KCNH5: variants seen among roughly 807,000 people sequenced by gnomAD.
KCNH5 encodes potassium voltage-gated channel subfamily H member 5.
In KCNH5, 46 loss-of-function variants were observed where a neutral mutation model predicts 96.1. The ratio of observed to expected loss-of-function variants is 0.48; its 90% confidence interval spans 0.38 to 0.61. KCNH5 has a LOEUF of 0.61. Ranked by LOEUF, KCNH5 falls within the 20% of genes least tolerant of loss-of-function variation. The pLI is 0.00. For synonymous variants in KCNH5, 439 were observed against 449.8 expected (o/e 0.98, Z 0.30); for missense variants, 907 against 1,225.8 (o/e 0.74, Z 3.88).
At chr14:62,963,160 C>T (rs1255659544) in intron 6 of KCNH5, among the ~76,000 whole-genome samples, 2 of 152,096 alleles carry the variant, frequency 1.3e-5, no homozygotes, top group Non-Finnish European at 2.9e-5. Context: ...AACACATTCA[C>T]ATAACTTTTA....
intron 9 of KCNH5, among the ~76,000 whole-genome samples, chr14:62,783,351 C>A (rs1886258026): frequency 6.6e-6 from 1 of 152,162 alleles, no homozygotes; most frequent in South Asian, 2.1e-4. Flanking sequence ...TATATTACCA[C>A]AGTTCTTGAT....
chr14:62,789,305 T>C (rs778398279), intron 9 of KCNH5, among the ~76,000 whole-genome samples: 3 of 151,988 alleles, frequency 2.0e-5, no homozygotes, highest in Non-Finnish European at 2.9e-5. Context: ...ATATACATAC[T>C]ACATTTTCTT....
At chr14:62,735,163 T>C (rs1404559574) in intron 10 of KCNH5, among the ~76,000 whole-genome samples, 2 of 152,160 alleles carry the variant, frequency 1.3e-5, no homozygotes, top group Admixed American at 1.3e-4. Flanking sequence ...CTTAATGATA[T>C]TCAGTTTGAA....
intron 7 of KCNH5, among the ~76,000 whole-genome samples, chr14:62,940,067 T>C (rs1889759650): frequency 6.6e-6 from 1 of 152,216 alleles, no homozygotes; most frequent in South Asian, 2.1e-4. Flanking sequence ...TAAATTCTTA[T>C]AAATTATGAT....
chr14:62,977,429 AT>A (rs1447685492), intron 6 of KCNH5, among the ~76,000 whole-genome samples: 1 of 152,084 alleles, frequency 6.6e-6, no homozygotes, highest in African/African-American at 2.4e-5. Flanking sequence ...AGGATGATAT[AT>A]TGTGAGAATG....
intron 7 of KCNH5, among the ~76,000 whole-genome samples, chr14:62,901,127 T>A (rs1401282316): frequency 6.6e-6 from 1 of 152,164 alleles, no homozygotes; most frequent in East Asian, 1.9e-4. Flanking sequence ...TAGCTGGGAT[T>A]ACAAGCATGA....
At chr14:62,882,533 T>C (rs946287640) in intron 7 of KCNH5, among the ~76,000 whole-genome samples, 2 of 152,226 alleles carry the variant, frequency 1.3e-5, no homozygotes, top group African/African-American at 4.8e-5. Flanking sequence ...ACGCTGAGGT[T>C]TGCATAGCAG....
In KCNH5 at chr14:62,846,789, C is replaced by CTTTTTTTTT. The variant is rs766919022; in HGVS notation, c.1569+2855_1569+2863dup. ...ATTGTATTGTATTATTGTATTGTATCTTTTTTTTTTTTTTTTTTTTTTTTT... is the reference window on the plus strand; with the variant it reads ...ATTGTATTGTATTATTGTATTGTATCTTTTTTTTTTTTTTTTTTTTTTTTTTTTTTTTTT... On this transcript the variant is annotated intron_variant, in intron 8 of 10. Coordinates refer to ENST00000322893, the MANE Select transcript of KCNH5 (RefSeq NM_139318.5). Among the ~76,000 whole-genome samples, 20 of 67,482 alleles carry CTTTTTTTTT rather than the reference C, an allele frequency of 3.0e-4. 5 individuals are homozygous for CTTTTTTTTT. The highest frequency in any genetic ancestry group is 4.0e-4 in the Non-Finnish European group (15 of 37,220). The allele number at this position is 67,482 out of a possible 152,430, so 44.3% of individuals were successfully genotyped here.
intron 4 of KCNH5, among the ~76,000 whole-genome samples, chr14:62,989,056 A>G (rs1450412895): frequency 2.0e-5 from 3 of 151,774 alleles, no homozygotes; most frequent in Non-Finnish European, 4.4e-5. Context: ...CTTATTTCCT[A>G]GCCTTATAGA....
At chr14:62,905,030 A>G (rs4899101) in intron 7 of KCNH5, among the ~76,000 whole-genome samples, 105,798 of 152,070 alleles carry the variant, frequency 0.7, 37,616 homozygotes, top group East Asian at 0.99. Context: ...GTATTTCTTC[A>G]GTATTGCCCA....
intron 7 of KCNH5, among the ~76,000 whole-genome samples, chr14:62,872,387 G>A (rs1358360444): frequency 6.6e-6 from 1 of 152,158 alleles, no homozygotes; most frequent in East Asian, 1.9e-4. Context: ...AATAATAAAA[G>A]AAATGAAGGA....
At chr14:63,022,120 T>A (rs1222394350) in intron 1 of KCNH5, among the ~76,000 whole-genome samples, 2 of 152,312 alleles carry the variant, frequency 1.3e-5, no homozygotes, top group East Asian at 3.9e-4. Flanking sequence ...ATCATGACTT[T>A]TTACTCCTTC....
At chr14:62,738,018 T>G (rs1481551850) in intron 10 of KCNH5, among the ~76,000 whole-genome samples, 2 of 152,070 alleles carry the variant, frequency 1.3e-5, no homozygotes, top group African/African-American at 4.8e-5. Context: ...TAAAAACAAT[T>G]AATCATAACA....
intron 5 of KCNH5, among the ~76,000 whole-genome samples, chr14:62,983,841 A>G (rs1890656227): frequency 6.6e-6 from 1 of 152,192 alleles, no homozygotes; most frequent in Admixed American, 6.5e-5. Flanking sequence ...GCCCAAGGTA[A>G]GATATCTGTC....
chr14:63,018,219 G>C (rs1350909530), intron 1 of KCNH5, among the ~76,000 whole-genome samples: 2 of 151,832 alleles, frequency 1.3e-5, no homozygotes, highest in Non-Finnish European at 2.9e-5. Context: ...ATTCCGCTGA[G>C]AGCACTTGCC....
intron 6 of KCNH5, among the ~76,000 whole-genome samples, chr14:62,952,839 A>T (rs892923523): frequency 2.0e-5 from 3 of 152,128 alleles, no homozygotes; most frequent in African/African-American, 7.2e-5. Context: ...TTGCTCCAAA[A>T]GGAGGTGACC....
chr14:62,955,117 A>T (rs893529413), intron 6 of KCNH5, among the ~76,000 whole-genome samples: 1 of 151,774 alleles, frequency 6.6e-6, no homozygotes, highest in Non-Finnish European at 1.5e-5. Context: ...ACTCAACTCT[A>T]TTAGGAAATG....
intron 10 of KCNH5, among the ~76,000 whole-genome samples, chr14:62,713,342 C>A (rs1356598878): frequency 6.6e-6 from 1 of 152,096 alleles, no homozygotes; most frequent in Non-Finnish European, 1.5e-5. Flanking sequence ...GGAGCTATAT[C>A]ATTTGCCTTC....
At chr14:62,840,381 C>G (rs539273425) in intron 8 of KCNH5, among the ~76,000 whole-genome samples, 1 of 152,044 alleles carries the variant, frequency 6.6e-6, no homozygotes, top group Non-Finnish European at 1.5e-5. Context: ...AAAAGCAAAG[C>G]TGAGAGGAAG....
Sources: gnomAD v4.1 joint callset for allele counts (sites outside exome capture counted in the v4.1 genomes callset) on GRCh38, gnomAD v4.1.1 for gene constraint, MANE v1.5 for transcripts, NCBI Gene and HGNC (gene_info 2026-07-23, HGNC 2026-07-21) for gene names.